RFX2: variants seen among roughly 807,000 people sequenced by gnomAD.
RFX2 encodes the protein DNA-binding protein RFX2.
RFX2 carries 20 observed loss-of-function variants against 87.8 expected under a neutral mutation model. The ratio of observed to expected loss-of-function variants is 0.23; its 90% CI spans 0.16 to 0.33. The LOEUF (loss-of-function observed/expected upper bound fraction) is 0.33, where lower values mean the gene tolerates loss of function less well. Among genes scored for constraint, RFX2 ranks in the 10% least tolerant of loss-of-function variants. RFX2 has a pLI of 1.00. For missense variants in RFX2, 767 were observed against 1,012.3 expected, an observed-to-expected ratio of 0.76 and a Z score of 3.29; for synonymous variants, 397 against 431.3, an observed-to-expected ratio of 0.92 and a Z score of 0.98.
At chr19:6,037,433 A>G (rs2087040736) in intron 5 of RFX2, among the ~76,000 whole-genome samples, 1 of 152,240 alleles carries the variant, frequency 6.6e-6, no homozygotes, top group South Asian at 2.1e-4. Context: ...AATGCCATTT[A>G]CAATAGCTCT....
rs1230999152 is a variant in RFX2, at chr19:6,056,400, G to A, written c.-8-8896C>T. On this transcript the variant is annotated intron_variant, in intron 1 of 17. Transcript: ENST00000303657. The surrounding 1 kb of genome is among the most constrained non-coding windows in gnomAD (Gnocchi z 4.6). ...ACACACAAGACACCAGCGATGAGCA[G>A]GAGTGGCTCATGATCCTGGCGGTGC... 6.6e-6 allele frequency among the ~76,000 whole-genome samples: 1 copy of A among 152,194 alleles called. No homozygotes were observed. Among genetic ancestry groups the A allele is most frequent in the African/African-American group, 2.4e-5 (1 of 41,454 alleles).
chr19:6,017,864 G>A lies in RFX2; in HGVS notation c.598-1593C>T, dbSNP rs953223201. 9.2e-5 allele frequency among the ~76,000 whole-genome samples: 14 copies of A among 151,760 alleles called. No individual in the cohort carries two copies. The highest frequency in any genetic ancestry group is 1.3e-4 in the Admixed American group (2 of 15,248). ...GAAATATCTGTCCACTCACCACAGC[G>A]TACCCATGGCACCCCCCCGCCCCAC... On this transcript the variant is annotated intron_variant, in intron 6 of 17. Transcript: ENST00000303657. This position sits in a 1 kb window ranked among gnomAD's most constrained non-coding sequence, Gnocchi z 4.1.
intron 5 of RFX2, among the ~76,000 whole-genome samples, chr19:6,032,862 C>T (rs761093880): frequency 2.0e-5 from 3 of 152,224 alleles, no homozygotes; most frequent in Non-Finnish European, 4.4e-5. Flanking sequence ...GATCACAGCT[C>T]ACTACAGCCT....
In RFX2 at chr19:6,007,792, T is replaced by C; in HGVS notation, c.1145A>G (p.Asp382Gly). 6.4e-7 allele frequency: 1 copy of C among 1,550,906 alleles called. No homozygotes were observed. The highest frequency in any genetic ancestry group is 8.7e-7 in the Non-Finnish European group (1 of 1,145,564). ...VYRRHCEATV[D>G]VVMNLQFHYI... ...GTGGAACTGGAGGTTCATCACCACA[T>C]CTACAGTTGCCTAGGAATGAAGGGA... Residue 382 changes from aspartate to glycine, a missense_variant, in exon 11 of 18, where the codon GAT becomes GGT. By Grantham distance (94) the Asp-to-Gly change is moderately conservative (BLOSUM62 -1). This residue lies in a region of RFX2 where 621 missense variants were observed against 873.0 expected (regional missense o/e 0.71). Coordinates refer to ENST00000303657, the MANE Select transcript of RFX2 (RefSeq NM_000635.4). The surrounding 1 kb of genome is among the most constrained non-coding windows in gnomAD (Gnocchi z 8.2).
At position 6,002,927 on chromosome 19, in the gene RFX2, G is replaced by C; in HGVS notation, c.1501-57C>G. 2 of 1,543,684 alleles carry C rather than the reference G, an allele frequency of 1.3e-6. No individual in the cohort carries two copies. Among genetic ancestry groups the C allele is most frequent in the Non-Finnish European group, 1.7e-6 (2 of 1,146,750 alleles). On this transcript the variant is annotated intron_variant, in intron 13 of 17. Coordinates refer to ENST00000303657, the MANE Select transcript of RFX2 (RefSeq NM_000635.4). This position sits in a 1 kb window ranked among gnomAD's most constrained non-coding sequence, Gnocchi z 6.7. ...TCGCAGGGAGAGCCTGTTCCGCTGCGCTCCTTGCAGGGGTGTGTGGGCTCA... is the reference window on the plus strand; with the variant it reads ...TCGCAGGGAGAGCCTGTTCCGCTGCCCTCCTTGCAGGGGTGTGTGGGCTCA...
intron 17 of RFX2, among the ~76,000 whole-genome samples, chr19:5,995,239 G>A (rs1353891997): frequency 6.6e-6 from 1 of 152,186 alleles, no homozygotes; most frequent in Non-Finnish European, 1.5e-5. Context: ...GGGCCTCTGG[G>A]GTCCTCCCAC....
chr19:6,034,917 T>G (rs925574212), intron 5 of RFX2, among the ~76,000 whole-genome samples: 2 of 152,220 alleles, frequency 1.3e-5, no homozygotes, highest in African/African-American at 2.4e-5. Context: ...GTATTATGTA[T>G]CGGGTATCAT....
At chr19:6,008,772 G>A (rs1281313012) in intron 9 of RFX2, among the ~76,000 whole-genome samples, 1 of 151,584 alleles carries the variant, frequency 6.6e-6, no homozygotes, top group Non-Finnish European at 1.5e-5. Context: ...CCTCCTCCTG[G>A]GTTCAAGTGA....
intron 1 of RFX2, among the ~76,000 whole-genome samples, chr19:6,097,855 T>A (rs1012264818): frequency 2.6e-5 from 4 of 152,144 alleles, no homozygotes; most frequent in African/African-American, 4.8e-5. Context: ...AGTGTTGGGA[T>A]TACAGGCATG....
At chr19:6,072,919 T>A (rs927846581) in intron 1 of RFX2, 1 of 919,222 alleles carries the variant, frequency 1.1e-6, no homozygotes, top group Admixed American at 1.8e-5. Context: ...CAAAATTAAG[T>A]GTAACTGGAG....
At chr19:6,091,066 C>A (rs571457142) in intron 1 of RFX2, among the ~76,000 whole-genome samples, 1 of 152,064 alleles carries the variant, frequency 6.6e-6, no homozygotes, top group Non-Finnish European at 1.5e-5. Flanking sequence ...GGACTGTGAT[C>A]GACTTCTAAT....
Position 5,999,795 on chromosome 19 carries a change from A to G in RFX2, c.1859+2020T>C, listed in dbSNP as rs1342105904. ...GGAAAGAATGGGCCGTCTTATTTAC[A>G]GAGGCTGGGGGTGAGGGATTTCTCT... On this transcript the variant is annotated intron_variant, in intron 15 of 17. Coordinates refer to ENST00000303657, the MANE Select transcript of RFX2 (RefSeq NM_000635.4). The surrounding 1 kb of genome is among the most constrained non-coding windows in gnomAD (Gnocchi z 4.1). 6.6e-6 allele frequency among the ~76,000 whole-genome samples: 1 copy of G among 151,992 alleles called. No individual in the cohort carries two copies. The highest frequency in any genetic ancestry group is 2.4e-5 in the African/African-American group (1 of 41,392).
At position 6,030,998 on chromosome 19, in the gene RFX2, A is replaced by G. The variant is rs76583729; in HGVS notation, c.523-4761T>C. ...CTCATCAGAAAAGTCACTAACTTTG[A>G]GAAGTTGTCAGGTTCCTGGTTGGCA... On this transcript the variant is annotated intron_variant, in intron 5 of 17. Coordinates refer to ENST00000303657, the MANE Select transcript of RFX2 (RefSeq NM_000635.4). Among the ~76,000 whole-genome samples the G allele has an allele frequency of 4.5e-3, 683 of 152,318 alleles. 8 individuals are homozygous for G. In the East Asian group the frequency reaches 0.071, roughly 16 times the overall value.
In RFX2 at chr19:6,001,220, G is replaced by A. The variant is rs867919976; in HGVS notation, c.1859+595C>T. ...GGTTGTTTCTCAAACTTGGTGTTTCGATATTTCACCAGGAGCCTCCTTGTG... is the reference window on the plus strand; with the variant it reads ...GGTTGTTTCTCAAACTTGGTGTTTCAATATTTCACCAGGAGCCTCCTTGTG... On this transcript the variant is annotated intron_variant, in intron 15 of 17. Transcript: ENST00000303657. The surrounding 1 kb of genome is among the most constrained non-coding windows in gnomAD (Gnocchi z 5.6). 2.0e-5 allele frequency among the ~76,000 whole-genome samples: 3 copies of A among 152,110 alleles called. No individual in the cohort carries two copies. Among genetic ancestry groups the A allele is most frequent in the South Asian group, 2.1e-4 (1 of 4,814 alleles).
In RFX2 at chr19:6,047,618, C is replaced by T. The variant is rs1014045652; in HGVS notation, c.-8-114G>A. ...AGTAACCAGCTACATTCTTCAAAGT[C>T]GAAAGGCAGAGACCCTGGTGGTACT... On this transcript the variant is annotated intron_variant, in intron 1 of 17. Coordinates refer to ENST00000303657, the MANE Select transcript of RFX2 (RefSeq NM_000635.4). This position sits in a 1 kb window ranked among gnomAD's most constrained non-coding sequence, Gnocchi z 4.2. 18 of 836,304 alleles carry T rather than the reference C, an allele frequency of 2.2e-5. No individual in the cohort carries two copies. The highest frequency in any genetic ancestry group is 1.8e-4 in the South Asian group (12 of 67,440). The allele number at this position is 836,304 out of a possible 1,614,324, so 51.8% of individuals were successfully genotyped here.
At position 6,022,289 on chromosome 19, in the gene RFX2, G is replaced by A. The variant is rs916577787; in HGVS notation, c.597+3874C>T. Among the ~76,000 whole-genome samples, 2 of 152,218 alleles carry A rather than the reference G, an allele frequency of 1.3e-5. No individual in the cohort carries two copies. The highest frequency in any genetic ancestry group is 2.4e-5 in the African/African-American group (1 of 41,446). ...TCTAGCAACCCCACTGTGGCCTGCA[G>A]GACAGCACGGCCATCGTGCCAGGCT... On this transcript the variant is annotated intron_variant, in intron 6 of 17. Coordinates refer to ENST00000303657, the MANE Select transcript of RFX2 (RefSeq NM_000635.4). The surrounding 1 kb of genome is among the most constrained non-coding windows in gnomAD (Gnocchi z 6.2).
rs903783030 is a variant in RFX2, at chr19:6,016,280, A to C, written c.598-9T>G. The C allele has an allele frequency of 3.8e-6, 6 of 1,589,550 alleles. No individual in the cohort carries two copies. The African/African-American group carries it at 5.4e-5, about 14-fold the overall frequency. ...TCCAACAGCCACTGGAGCTGTAAAA[A>C]GAAAGACACGTCTGCGTTTGTCAGA... On this transcript the variant is annotated splice_polypyrimidine_tract_variant and intron_variant, in intron 6 of 17. Coordinates refer to ENST00000303657, the MANE Select transcript of RFX2 (RefSeq NM_000635.4). The surrounding 1 kb of genome is among the most constrained non-coding windows in gnomAD (Gnocchi z 5.4).
chr19:6,009,390 G>C (rs529233854), intron 9 of RFX2, among the ~76,000 whole-genome samples: 19 of 152,192 alleles, frequency 1.2e-4, no homozygotes, highest in African/African-American at 4.6e-4. Context: ...TCCCGGGGCA[G>C]AGATGGCACC....
intron 4 of RFX2, among the ~76,000 whole-genome samples, chr19:6,041,496 T>C (rs1050038073): frequency 2.6e-5 from 4 of 152,044 alleles, no homozygotes; most frequent in African/African-American, 9.7e-5. Flanking sequence ...TCAAGTTCTA[T>C]CAACATTATA....
Sources: allele counts gnomAD v4.1 joint callset (sites outside exome capture counted in the v4.1 genomes callset), GRCh38; gene constraint gnomAD v4.1.1; regional missense constraint gnomAD v4.1.1; non-coding constraint Gnocchi (gnomAD v3.1); transcripts MANE v1.5; gene names NCBI Gene and HGNC (gene_info 2026-07-23, HGNC 2026-07-21).